The following DUOX2 variants were observed in gnomAD, a reference collection of about 807,000 sequenced individuals.
DUOX2 encodes dual oxidase 2.
A neutral mutation model predicts 183.3 loss-of-function variants in DUOX2; 185 were observed. The ratio of observed to expected loss-of-function variants is 1.01; its 90% CI spans 0.90 to 1.14. DUOX2 has a LOEUF of 1.14. Among genes scored for constraint, DUOX2 ranks in the 50% most tolerant of loss-of-function variants. The pLI, the probability that DUOX2 is intolerant of heterozygous loss-of-function variation, is 0.00. For missense variants in DUOX2, 1,999 were observed against 2,022.9 expected (o/e 0.99, Z 0.23); for synonymous variants, 788 against 812.4 (o/e 0.97, Z 0.51).
In DUOX2 at chr15:45,094,200, C is replaced by T. The variant is rs748789760; in HGVS notation, c.4597G>A (p.Val1533Ile). The T allele has an allele frequency of 1.4e-4, 229 of 1,614,000 alleles. 2 individuals are homozygous for T. The South Asian group carries it at 1.7e-3, about 12-fold the overall frequency. The change falls in exon 34 of 34, where the codon GTC (valine) becomes ATC (isoleucine). Residue 1533 changes from valine (V) to isoleucine (I), a missense_variant. Val to Ile is a conservative substitution (Grantham distance 29). Around this residue, in one of 3 missense-constraint regions of DUOX2, gnomAD observed 1,628 missense variants for 1,608.6 expected, o/e 1.01. Coordinates refer to ENST00000389039, the MANE Select transcript of DUOX2 (RefSeq NM_001363711.2). The part of the protein sequence containing the change: ...TKNVEKACQL[V>I]NRQDRAHFMH... Reference sequence around the variant, plus strand: ...AAGTGGGCTCGGTCCTGCCTGTTGACGAGCTGACAGGCCTTCTCTACATTC... The same window carrying T: ...AAGTGGGCTCGGTCCTGCCTGTTGATGAGCTGACAGGCCTTCTCTACATTC...
chr15:45,113,716 A>C (rs551599329), intron 1 of DUOX2, among the ~76,000 whole-genome samples: 2 of 152,258 alleles, frequency 1.3e-5, no homozygotes, highest in East Asian at 3.9e-4. Context: ...GGGGCATGTC[A>C]GTCCAGGGCA....
At chr15:45,106,390 C>A in intron 16 of DUOX2, 63 bp from the exon 17 acceptor site, 2 of 1,603,494 alleles carry the variant, frequency 1.2e-6, no homozygotes, top group South Asian at 2.2e-5. Flanking sequence ...GCCTTCAGGT[C>A]AATTCCTCTG....
At chr15:45,109,403 A>T (rs1894317129) in intron 11 of DUOX2, 121 bp downstream of exon 11, 2 of 818,046 alleles carry the variant, frequency 2.4e-6, no homozygotes, top group Admixed American at 2.0e-5. Flanking sequence ...GGCTCCTTGA[A>T]GTCTGTGTTT....
In DUOX2 at chr15:45,111,372, C is replaced by T. The variant is rs1894394448; in HGVS notation, c.715+12G>A. The stretch of plus-strand genomic sequence containing the variant: ...ACCCCCAGCCGGCCCCGTCCCGCCC[C>T]TGTGGCCTCACCGTACAGCCCCCGG... On this transcript the variant is annotated intron_variant, in intron 6 of 33. Transcript: ENST00000389039. 7.0e-6 allele frequency: 10 copies of T among 1,437,002 alleles called. No individual in the cohort carries two copies. The East Asian group carries it at 2.5e-4, about 36-fold the overall frequency. 89.0% of individuals were successfully genotyped at this position (1,437,002 alleles called of 1,614,324 possible).
rs113632824 is a variant in DUOX2 at position 45,099,710 on chromosome 15, C to T, written c.3367G>A (p.Ala1123Thr). The T allele has an allele frequency of 7.0e-4, 1,129 of 1,614,142 alleles. 6 individuals are homozygous for T. In the African/African-American group the frequency reaches 0.013, roughly 19 times the overall value. ...FLNRYVPFDA[A>T]VDFHRWIAMA... ...GCGATCCAGCGGTGGAAGTCCACTG[C>T]GGCATCAAAAGGCACATAGCGGTTG... The change falls in exon 25 of 34, where the codon GCA becomes ACA. Residue 1123 changes from alanine (A) to threonine (T), a missense_variant. By Grantham distance (58) the Ala-to-Thr change is moderately conservative (BLOSUM62 0). Transcript: ENST00000389039.
rs1893941190 is a variant in DUOX2, at chr15:45,097,643, G to A, written c.3664C>T (p.His1222Tyr). ...GCATAGAGCAGGATGTAGAGGTGGT[G>A]GGTCAGCCAGAAGCCCCGGAAGCTG... is the stretch of plus-strand genomic sequence containing the variant. ...RRSFRGFWLT[H>Y]HLYILLYALL... Residue 1222 changes from histidine to tyrosine, a missense_variant, in exon 28 of 34, where the codon CAC (histidine) becomes TAC (tyrosine). Coordinates refer to ENST00000389039, the MANE Select transcript of DUOX2 (RefSeq NM_001363711.2). 12 of 1,614,132 alleles carry A rather than the reference G, an allele frequency of 7.4e-6. No homozygotes were observed. In the African/African-American group the frequency reaches 8.0e-5, roughly 11 times the overall value.
In DUOX2 at chr15:45,101,768, C is replaced by T. The variant is rs370200906; in HGVS notation, c.2851+25G>A. ...TTGAGGACACGCCCCCCCTCCCTGA[C>T]GCCAACCATTCCTCACACACTCACC... On this transcript the variant is annotated intron_variant, in intron 21 of 33. Coordinates refer to ENST00000389039, the MANE Select transcript of DUOX2 (RefSeq NM_001363711.2). 155 of 1,614,058 alleles carry T rather than the reference C, an allele frequency of 9.6e-5. 1 individual carries two copies. The highest frequency in any genetic ancestry group is 4.9e-4 in the South Asian group (45 of 91,086).
At position 45,095,476 on chromosome 15, in the gene DUOX2, G is replaced by T; in HGVS notation, c.4200C>A (p.Val1400=). The part of the protein sequence containing the change: ...TPFASILKDL[V]FKSSLGSQML... ...TTTGGCTGCCCAAGGATGACTTGAA[G>T]ACCAGGTCTTTGAGGATGGAGGCAA... Residue 1400 remains valine, a synonymous_variant, in exon 31 of 34, where the codon GTC becomes GTA. Transcript: ENST00000389039. 1 of 1,614,240 alleles carries T rather than the reference G, an allele frequency of 6.2e-7. No individual in the cohort carries two copies. The highest frequency in any genetic ancestry group is 1.1e-5 in the South Asian group (1 of 91,090).
In DUOX2 at chr15:45,112,771, C is replaced by T. The variant is rs926005576; in HGVS notation, c.161-53G>A. Reference sequence around the variant, plus strand: ...CTAAGCACTCCATCCCCTAGGATCCCCCAAACCTCTCCCTAAGCCTCCCTC... The same window carrying T: ...CTAAGCACTCCATCCCCTAGGATCCTCCAAACCTCTCCCTAAGCCTCCCTC... On this transcript the variant is annotated intron_variant, in intron 3 of 33. Transcript: ENST00000389039. 9.6e-5 allele frequency: 154 copies of T among 1,605,702 alleles called. 1 individual carries two copies. In the East Asian group the frequency reaches 3.3e-3, roughly 35 times the overall value.
chr15:45,101,357 G>A (rs1894077324), intron 21 of DUOX2, 83 bp from the exon 22 acceptor site: 1 of 1,217,312 alleles, frequency 8.2e-7, no homozygotes, highest in African/African-American at 1.5e-5. Flanking sequence ...CCTCCCTTCT[G>A]GGAAAGTCAT....
Position 45,094,182 on chromosome 15 carries a change from C to G in DUOX2, c.4615G>C (p.Ala1539Pro). The change falls in exon 34 of 34, where the codon GCC becomes CCC. Residue 1539 changes from alanine (A) to proline (P), a missense_variant. Coordinates refer to ENST00000389039, the MANE Select transcript of DUOX2 (RefSeq NM_001363711.2). ...TTCTCATAGTGGTGCATGAAGTGGG[C>G]TCGGTCCTGCCTGTTGACGAGCTGA... ...ACQLVNRQDRAHFMHHYENF is the reference protein window; with the variant it reads ...ACQLVNRQDRPHFMHHYENF The G allele has an allele frequency of 6.2e-7, 1 of 1,614,110 alleles. No individual in the cohort carries two copies.
In DUOX2 at chr15:45,109,931, A is replaced by G; in HGVS notation, c.1090T>C (p.Ser364Pro). 1.2e-6 allele frequency: 2 copies of G among 1,614,062 alleles called. No homozygotes were observed. Among genetic ancestry groups the G allele is most frequent in the African/African-American group, 2.7e-5 (2 of 75,016 alleles). The change falls in exon 10 of 34, where the codon TCC (serine) becomes CCC (proline). Residue 364 changes from serine (S) to proline (P), a missense_variant. Transcript: ENST00000389039. ...RKVLNKGFQS[S>P]QALRVCNNYW... is the part of the protein sequence containing the mutation. Reference sequence around the variant, plus strand: ...TTGTTGCAGACCCTGAGAGCTTGGGAGCTTTGAAAACCCTTGTTCAGGACC... The same window carrying G: ...TTGTTGCAGACCCTGAGAGCTTGGGGGCTTTGAAAACCCTTGTTCAGGACC...
rs759559058 is a variant in DUOX2 at position 45,111,753 on chromosome 15, C to T, written c.513+15G>A. 15 of 1,561,938 alleles carry T rather than the reference C, an allele frequency of 9.6e-6. 1 individual carries two copies. In the South Asian group the frequency reaches 1.3e-4, roughly 13 times the overall value. On this transcript the variant is annotated intron_variant, in intron 5 of 33. Coordinates refer to ENST00000389039, the MANE Select transcript of DUOX2 (RefSeq NM_001363711.2). ...GCTGGGGTGCGGTCCCTTCCCGCCGCCTTCCCCGCCTCACCAGGTCCCGGG... is the reference window on the plus strand; with the variant it reads ...GCTGGGGTGCGGTCCCTTCCCGCCGTCTTCCCCGCCTCACCAGGTCCCGGG...
intron 32 of DUOX2, 74 bp downstream of exon 32, chr15:45,094,862 G>A (rs1893859499): frequency 7.5e-6 from 12 of 1,605,182 alleles, no homozygotes; most frequent in Non-Finnish European, 1.0e-5. Context: ...CCACCCACCT[G>A]CCCTGGCCAT....
chr15:45,100,061 T>C lies in DUOX2; in HGVS notation c.3173A>G (p.Asp1058Gly), dbSNP rs1894034809. 1 of 1,614,216 alleles carries C rather than the reference T, an allele frequency of 6.2e-7. No individual in the cohort carries two copies. The highest frequency in any genetic ancestry group is 1.3e-5 in the African/African-American group (1 of 75,050). The change falls in exon 24 of 34, where the codon GAT becomes GGT. Residue 1058 changes from aspartate to glycine, a missense_variant. Physicochemically the swap from Asp to Gly is moderately conservative, Grantham distance 94 (BLOSUM62 -1). Around this residue, in one of 3 missense-constraint regions of DUOX2, gnomAD observed 1,628 missense variants for 1,608.6 expected, o/e 1.01. Coordinates refer to ENST00000389039, the MANE Select transcript of DUOX2 (RefSeq NM_001363711.2). ...FSAICVGVFA[D>G]RAYYYGFASP... ...CCTGGAACTCTTACAGTAAGCACGA[T>C]CTGCAAACACGCCAACACAGATGGC...
At chr15:45,108,353 G>T in intron 12 of DUOX2, 131 bp from the exon 13 acceptor site, 1 of 1,101,730 alleles carries the variant, frequency 9.1e-7, no homozygotes, top group Non-Finnish European at 1.3e-6. Context: ...CTCTTCTTAG[G>T]CAAGCCCCCT....
intron 24 of DUOX2, 74 bp downstream of exon 24, chr15:45,099,976 T>A: frequency 3.7e-6 from 6 of 1,611,254 alleles, no homozygotes; most frequent in South Asian, 1.1e-5. Context: ...ACTCTTAGGA[T>A]CAGAGGGCTT....
At chr15:45,113,136 C>G in intron 2 of DUOX2, 60 bp from the exon 3 acceptor site, 5 of 1,563,460 alleles carry the variant, frequency 3.2e-6, no homozygotes, top group Non-Finnish European at 4.4e-6. Flanking sequence ...TCCCGAGCAA[C>G]GAAGGCCTTG....
intron 20 of DUOX2, 115 bp downstream of exon 20, chr15:45,103,845 C>T: frequency 9.2e-7 from 1 of 1,081,288 alleles, no homozygotes; most frequent in Non-Finnish European, 1.4e-6. Context: ...GTGTTTAGGC[C>T]ACCTCTCAGC....
Sources: gnomAD v4.1 joint callset for allele counts (sites outside exome capture counted in the v4.1 genomes callset) on GRCh38, gnomAD v4.1.1 for gene constraint, gnomAD v4.1.1 regional missense constraint, MANE v1.5 for transcripts, NCBI Gene and HGNC (gene_info 2026-07-23, HGNC 2026-07-21) for gene names.